SLC10A7: variants seen among roughly 807,000 people sequenced by gnomAD.
The protein encoded by SLC10A7 is sodium/bile acid cotransporter 7.
A neutral mutation model predicts 43.2 loss-of-function variants in SLC10A7; 29 were observed. The observed-to-expected ratio is 0.67, with a 90% CI of 0.50 to 0.92. SLC10A7 has a LOEUF of 0.92. Among genes scored for constraint, SLC10A7 ranks in the 40% least tolerant of loss-of-function variants. The pLI is 0.00. For missense variants in SLC10A7, 295 were observed against 403.2 expected (o/e 0.73, Z 2.30); for synonymous variants, 152 against 144.8 (o/e 1.05, Z -0.35).
intron 1 of SLC10A7, among the ~76,000 whole-genome samples, chr4:146,517,455 T>C (rs1738121044): frequency 6.6e-6 from 1 of 151,976 alleles, no homozygotes; most frequent in Admixed American, 6.6e-5. Flanking sequence ...AAAGCAAGAC[T>C]CTGTCTCAAA....
At chr4:146,305,771 T>A (rs1731525732) in intron 7 of SLC10A7, among the ~76,000 whole-genome samples, 155 bp downstream of exon 7, 1 of 151,984 alleles carries the variant, frequency 6.6e-6, no homozygotes, top group African/African-American at 2.4e-5. Flanking sequence ...ATAAAAAAGA[T>A]GAGAATACTG....
At chr4:146,470,582 A>T (rs11940327) in intron 4 of SLC10A7, among the ~76,000 whole-genome samples, 2 of 151,994 alleles carry the variant, frequency 1.3e-5, no homozygotes, top group African/African-American at 4.8e-5. Flanking sequence ...TTTTGGAAAG[A>T]AGTCTTTTTT....
chr4:146,449,218 A>G (rs1731363198), intron 4 of SLC10A7, among the ~76,000 whole-genome samples: 3 of 152,128 alleles, frequency 2.0e-5, no homozygotes, highest in Non-Finnish European at 4.4e-5. Flanking sequence ...ACCAGAAATA[A>G]ATACTTGCTT....
At chr4:146,441,665 T>C (rs1730614430) in intron 5 of SLC10A7, 1 of 981,378 alleles carries the variant, frequency 1.0e-6, no homozygotes, top group African/African-American at 1.8e-5. Flanking sequence ...CGAGAGATTA[T>C]TTTTGTTAAA....
intron 10 of SLC10A7, among the ~76,000 whole-genome samples, chr4:146,266,827 G>A (rs1728587980): frequency 6.6e-6 from 1 of 152,048 alleles, no homozygotes; most frequent in South Asian, 2.1e-4. Context: ...ACCTTGGTTG[G>A]GCAAGTTATT....
intron 5 of SLC10A7, among the ~76,000 whole-genome samples, chr4:146,436,282 G>T (rs1730208692): frequency 6.6e-6 from 1 of 151,996 alleles, no homozygotes; most frequent in Non-Finnish European, 1.5e-5. Flanking sequence ...AAGTAACAAA[G>T]ACCATTTTTT....
chr4:146,508,103 C>T (rs1047717418), intron 3 of SLC10A7, among the ~76,000 whole-genome samples: 2 of 152,186 alleles, frequency 1.3e-5, no homozygotes, highest in African/African-American at 4.8e-5. Flanking sequence ...TTCTGCAAGC[C>T]GACCCTATGG....
chr4:146,261,964 T>C (rs1015492538), intron 10 of SLC10A7, among the ~76,000 whole-genome samples: 11 of 152,216 alleles, frequency 7.2e-5, no homozygotes, highest in Non-Finnish European at 1.0e-4. Flanking sequence ...AATGCATGTC[T>C]GAAAGATGCT....
intron 4 of SLC10A7, among the ~76,000 whole-genome samples, chr4:146,476,572 G>A (rs1734048315): frequency 6.6e-6 from 1 of 152,046 alleles, no homozygotes; most frequent in Non-Finnish European, 1.5e-5. Context: ...GAGGAGAAAC[G>A]TAAACAGCAC....
At chr4:146,382,179 C>T (rs1032334309) in intron 5 of SLC10A7, among the ~76,000 whole-genome samples, 4 of 152,104 alleles carry the variant, frequency 2.6e-5, no homozygotes, top group Non-Finnish European at 5.9e-5. Flanking sequence ...ACATGCTGTG[C>T]AATTATAGCG....
intron 5 of SLC10A7, among the ~76,000 whole-genome samples, chr4:146,381,669 G>A (rs1560854095): frequency 1.3e-5 from 2 of 152,062 alleles, no homozygotes; most frequent in African/African-American, 2.4e-5. Context: ...AGTCTTTAGG[G>A]AGGCAAGTTC....
At chr4:146,489,114 G>T (rs1213375787) in intron 4 of SLC10A7, among the ~76,000 whole-genome samples, 1 of 152,200 alleles carries the variant, frequency 6.6e-6, no homozygotes, top group African/African-American at 2.4e-5. Flanking sequence ...CTGTAGTACA[G>T]AAATGGCGAA....
chr4:146,488,455 A>G (rs1735100480), intron 4 of SLC10A7, among the ~76,000 whole-genome samples: 1 of 152,208 alleles, frequency 6.6e-6, no homozygotes, highest in African/African-American at 2.4e-5. Context: ...CACATGAGAT[A>G]TTTACTTGAC....
At chr4:146,419,418 C>T (rs1728801859) in intron 5 of SLC10A7, among the ~76,000 whole-genome samples, 1 of 152,192 alleles carries the variant, frequency 6.6e-6, no homozygotes, top group African/African-American at 2.4e-5. Flanking sequence ...AACTTAATTT[C>T]ACTAATTTAA....
At chr4:146,287,751 C>T (rs73855129) in intron 9 of SLC10A7, among the ~76,000 whole-genome samples, 1,794 of 152,282 alleles carry the variant, frequency 0.012, 50 homozygotes, top group East Asian at 0.085. Context: ...AGGAGCACTT[C>T]AAAAACTTTG....
intron 9 of SLC10A7, among the ~76,000 whole-genome samples, chr4:146,287,844 C>G (rs1730135255): frequency 6.6e-6 from 1 of 152,194 alleles, no homozygotes. Flanking sequence ...TTGCACTACA[C>G]TTTTCCTTTA....
intron 5 of SLC10A7, among the ~76,000 whole-genome samples, chr4:146,416,265 C>A (rs1008645375): frequency 6.6e-6 from 1 of 152,108 alleles, no homozygotes; most frequent in Non-Finnish European, 1.5e-5. Context: ...GAGAGCCATG[C>A]CTAGTATGCT....
intron 6 of SLC10A7, among the ~76,000 whole-genome samples, chr4:146,315,641 A>G (rs1169337532): frequency 2.0e-5 from 3 of 152,104 alleles, no homozygotes; most frequent in Non-Finnish European, 2.9e-5. Context: ...ATAACTGTGA[A>G]ATTATAATTT....
At chr4:146,504,090 A>G (rs1736670432) in intron 3 of SLC10A7, among the ~76,000 whole-genome samples, 166 bp from the exon 4 acceptor site, 1 of 152,230 alleles carries the variant, frequency 6.6e-6, no homozygotes, top group African/African-American at 2.4e-5. Context: ...AACGTGGCTT[A>G]CACGGTGCTG....
Sources: allele counts gnomAD v4.1 joint callset (sites outside exome capture counted in the v4.1 genomes callset), GRCh38; gene constraint gnomAD v4.1.1; transcripts MANE v1.5; gene names NCBI Gene and HGNC (gene_info 2026-07-23, HGNC 2026-07-21).